Variants in KCNV2 observed in about 807,000 individuals in gnomAD.
KCNV2 encodes the protein potassium voltage-gated channel subfamily V member 2.
Under a neutral mutation model 37.0 loss-of-function variants are expected in KCNV2, and 65 were observed. The observed-to-expected ratio is 1.76, with a 90% CI of 1.44 to 2.16. The LOEUF (loss-of-function observed/expected upper bound fraction) is 2.16. KCNV2 is among the 30% of genes most tolerant of loss of function. KCNV2 has a pLI of 0.00. For synonymous variants in KCNV2, 518 were observed against 328.6 expected, an observed-to-expected ratio of 1.58 and a Z score of -6.23; for missense variants, 1,232 against 766.7, an observed-to-expected ratio of 1.61 and a Z score of -7.17.
Position 2,718,209 on chromosome 9 carries a change from T to A in KCNV2, c.470T>A (p.Val157Asp). The A allele has an allele frequency of 6.2e-7, 1 of 1,613,504 alleles. No homozygotes were observed. Among genetic ancestry groups the A allele is most frequent in the Non-Finnish European group, 8.5e-7 (1 of 1,179,938 alleles). The change falls in exon 1 of 2, where the codon GTC (valine) becomes GAC (aspartate). Residue 157 changes from valine (V) to aspartate (D), a missense_variant. Val to Asp is a radical substitution (Grantham distance 152). Coordinates refer to ENST00000382082, the MANE Select transcript of KCNV2 (RefSeq NM_133497.4). ...DEYFFDRDPA[V>D]FQLVYNFYLS... ...TACTTCTTCGACCGCGACCCGGCCG[T>A]CTTCCAGCTGGTCTACAATTTCTAC... is the stretch of plus-strand genomic sequence containing the variant.
rs569992163 is a variant in KCNV2, at chr9:2,718,605, C to T, written c.866C>T (p.Ser289Leu). ...ACCGTGGAGGAGATGCAGCAGCACT[C>T]GGGGCAGGGCGAGGGCGGCCCAGAC... is the stretch of plus-strand genomic sequence containing the variant. ...LNTVEEMQQH[S>L]GQGEGGPDLR... The change falls in exon 1 of 2, where the codon TCG (serine) becomes TTG (leucine). Residue 289 changes from serine to leucine, a missense_variant. Physicochemically the swap from Ser to Leu is moderately radical, Grantham distance 145. Coordinates refer to ENST00000382082, the MANE Select transcript of KCNV2 (RefSeq NM_133497.4). 1.4e-5 allele frequency: 22 copies of T among 1,612,986 alleles called. No individual in the cohort carries two copies. The highest frequency in any genetic ancestry group is 1.7e-4 in the Middle Eastern group (1 of 6,046).
Position 2,719,161 on chromosome 9 carries a change from C to T in KCNV2, c.1356+66C>T, listed in dbSNP as rs570543476. The stretch of plus-strand genomic sequence containing the variant: ...GCCCAGTGAGCTGCTCCTCCCTCCC[C>T]TGGTTATCAGCCACCAGGCTTTGGC... On this transcript the variant is annotated intron_variant, in intron 1 of 1. Coordinates refer to ENST00000382082, the MANE Select transcript of KCNV2 (RefSeq NM_133497.4). The T allele has an allele frequency of 5.1e-6, 8 of 1,567,018 alleles. No homozygotes were observed. In the African/African-American group the frequency reaches 9.4e-5, roughly 18 times the overall value.
rs1563797866 is a variant in KCNV2, at chr9:2,722,296, T to TACAAATTAGAAGTTATTTATAA, written c.1356+3202_1356+3203insCAAATTAGAAGTTATTTATAAA. ...ATTTATTTACAAATTAGAAGTTATT[T>TACAAATTAGAAGTTATTTATAA]ATAAATTAGAAGTTATTTATAAATA... On this transcript the variant is annotated intron_variant, in intron 1 of 1. Transcript: ENST00000382082. Among the ~76,000 whole-genome samples the TACAAATTAGAAGTTATTTATAA allele has an allele frequency of 1.2e-4, 15 of 122,048 alleles. 2 individuals are homozygous for TACAAATTAGAAGTTATTTATAA. Among genetic ancestry groups the TACAAATTAGAAGTTATTTATAA allele is most frequent in the African/African-American group, 5.0e-4 (13 of 25,864 alleles). The allele number at this position is 122,048 out of a possible 152,430, so 80.1% of individuals were successfully genotyped here. A position where few individuals can be genotyped will look rare whatever the true frequency, so the allele number is the denominator to read the frequency against.
chr9:2,719,763 C>T (rs1484402190), intron 1 of KCNV2, among the ~76,000 whole-genome samples: 1 of 152,262 alleles, frequency 6.6e-6, no homozygotes, highest in Non-Finnish European at 1.5e-5. Flanking sequence ...AAAGCCAGAA[C>T]TGAAACTCAG....
intron 1 of KCNV2, among the ~76,000 whole-genome samples, chr9:2,723,927 A>T (rs1014555130): frequency 6.7e-6 from 1 of 148,810 alleles, no homozygotes; most frequent in African/African-American, 2.5e-5. Context: ...AGCTGTAATC[A>T]TTGGCCTCCT....
intron 1 of KCNV2, among the ~76,000 whole-genome samples, chr9:2,722,578 T>TATAA (rs1421898875): frequency 2.2e-5 from 3 of 139,248 alleles, no homozygotes; most frequent in Admixed American, 6.9e-5. Flanking sequence ...GTTATTTATT[T>TATAA]ATAAATTAGA....
At chr9:2,722,767 T>G (rs1455945819) in intron 1 of KCNV2, among the ~76,000 whole-genome samples, 1 of 152,146 alleles carries the variant, frequency 6.6e-6, no homozygotes, top group Non-Finnish European at 1.5e-5. Flanking sequence ...GCTAGAAGGT[T>G]CTTCTCTTTC....
intron 1 of KCNV2, among the ~76,000 whole-genome samples, chr9:2,720,297 A>AT (rs1819842169): frequency 6.6e-6 from 1 of 152,224 alleles, no homozygotes; most frequent in Non-Finnish European, 1.5e-5. Flanking sequence ...ACCCTGAATA[A>AT]TTAACTGTGA....
At position 2,718,989 on chromosome 9, in the gene KCNV2, T is replaced by A. The variant is rs960007958; in HGVS notation, c.1250T>A (p.Phe417Tyr). The A allele has an allele frequency of 6.2e-7, 1 of 1,612,124 alleles. No individual in the cohort carries two copies. The highest frequency in any genetic ancestry group is 1.3e-5 in the African/African-American group (1 of 74,956). The change falls in exon 1 of 2, where the codon TTC (phenylalanine) becomes TAC (tyrosine). Residue 417 changes from phenylalanine (F) to tyrosine (Y), a missense_variant. Phe to Tyr is a conservative substitution (Grantham distance 22, BLOSUM62 3). Transcript: ENST00000382082. ...CAGCAGGTGGGCTGCCTGCTGCTCT[T>A]CATCGCCATGGGCATCTTCACTTTC... ...CYQQVGCLLL[F>Y]IAMGIFTFSA...
At position 2,720,845 on chromosome 9, in the gene KCNV2, A is replaced by C. The variant is rs1586688800; in HGVS notation, c.1356+1750A>C. ...CTTTCAAACGGATATGGCTAGAGAA[A>C]AAATTTTAATTAAAATAAAACACAT... On this transcript the variant is annotated intron_variant, in intron 1 of 1. Transcript: ENST00000382082. Among the ~76,000 whole-genome samples, 3 of 152,202 alleles carry C rather than the reference A, an allele frequency of 2.0e-5. No homozygotes were observed. The South Asian group carries it at 6.2e-4, about 31-fold the overall frequency.
At position 2,729,555 on chromosome 9, in the gene KCNV2, T is replaced by A. The variant is rs1190265463; in HGVS notation, c.1466T>A (p.Ile489Asn). 6.2e-7 allele frequency: 1 copy of A among 1,613,958 alleles called. No individual in the cohort carries two copies. Among genetic ancestry groups the A allele is most frequent in the Non-Finnish European group, 8.5e-7 (1 of 1,179,996 alleles). ...GGGATCATTCTCAACGGGATGCCCA[T>A]TTCCATCCTCTACAACAAGTTTTCT... The part of the protein sequence containing the change: ...AFGIILNGMP[I>N]SILYNKFSDY... Residue 489 changes from isoleucine to asparagine, a missense_variant, in exon 2 of 2, where the codon ATT (isoleucine) becomes AAT (asparagine). Physicochemically the swap from Ile to Asn is moderately radical, Grantham distance 149 (BLOSUM62 -3). Coordinates refer to ENST00000382082, the MANE Select transcript of KCNV2 (RefSeq NM_133497.4).
At chr9:2,719,203 C>A in intron 1 of KCNV2, 108 bp downstream of exon 1, 2 of 1,216,698 alleles carry the variant, frequency 1.6e-6, no homozygotes, top group East Asian at 2.5e-5. Flanking sequence ...TCCTCGTCTT[C>A]CCCCCCACCC....
Position 2,718,550 on chromosome 9 carries a change from C to A in KCNV2, c.811C>A (p.Leu271Ile). ...AIGVASSTFV[L>I]VSVVALALNT... ...CGGGGTGGCCTCCAGCACCTTCGTG[C>A]TCGTCTCCGTGGTGGCGCTGGCGCT... The change falls in exon 1 of 2, where the codon CTC (leucine) becomes ATC (isoleucine). Residue 271 changes from leucine (L) to isoleucine (I), a missense_variant. Coordinates refer to ENST00000382082, the MANE Select transcript of KCNV2 (RefSeq NM_133497.4). 1.2e-6 allele frequency: 2 copies of A among 1,612,076 alleles called. No individual in the cohort carries two copies. Among genetic ancestry groups the A allele is most frequent in the Middle Eastern group, 1.7e-4 (1 of 6,046 alleles).
rs1276823571 is a variant in KCNV2 at position 2,722,236 on chromosome 9, TAAATTAGAAGTTATTTATTTAC to T, written c.1356+3182_1356+3203del. On this transcript the variant is annotated intron_variant, in intron 1 of 1. Transcript: ENST00000382082. The stretch of plus-strand genomic sequence containing the variant: ...AAATTAGAAGTTATTTATTTATAAA[TAAATTAGAAGTTATTTATTTAC>T]AAATTAGAAGTTATTTATTTACAAA... 7.5e-3 allele frequency among the ~76,000 whole-genome samples: 1,066 copies of T among 142,862 alleles called. 23 individuals are homozygous for T. The highest frequency in any genetic ancestry group is 0.012 in the Non-Finnish European group (785 of 66,000). The allele number at this position is 142,862 out of a possible 152,430, so 93.7% of individuals were successfully genotyped here.
At position 2,718,036 on chromosome 9, in the gene KCNV2, G is replaced by A. The variant is rs747867456; in HGVS notation, c.297G>A (p.Leu99=). 2 of 1,611,466 alleles carry A rather than the reference G, an allele frequency of 1.2e-6. No individual in the cohort carries two copies. Among genetic ancestry groups the A allele is most frequent in the East Asian group, 2.2e-5 (1 of 44,784 alleles). ...PSDPPALLST[L]NVNVGGHSYQ... is the part of the protein sequence containing the mutation. ...ACCCTCCGGCCCTGCTGTCCACGCTGAATGTGAACGTGGGTGGCCACAGCT... is the reference window on the plus strand; with the variant it reads ...ACCCTCCGGCCCTGCTGTCCACGCTAAATGTGAACGTGGGTGGCCACAGCT... The change falls in exon 1 of 2, where the codon CTG becomes CTA. Residue 99 remains leucine (L), a synonymous_variant. Coordinates refer to ENST00000382082, the MANE Select transcript of KCNV2 (RefSeq NM_133497.4).
At chr9:2,728,341 G>T (rs563984457) in intron 1 of KCNV2, among the ~76,000 whole-genome samples, 91 of 152,248 alleles carry the variant, frequency 6.0e-4, no homozygotes, top group Admixed American at 5.5e-3. Flanking sequence ...ACGCAAAAAT[G>T]TTTACAACTG....
rs1253249679 is a variant in KCNV2 at position 2,719,049 on chromosome 9, C to T, written c.1310C>T (p.Pro437Leu). The T allele has an allele frequency of 3.7e-6, 6 of 1,612,554 alleles. No homozygotes were observed. Among genetic ancestry groups the T allele is most frequent in the East Asian group, 2.2e-5 (1 of 44,876 alleles). Residue 437 changes from proline (P) to leucine (L), a missense_variant, in exon 1 of 2, where the codon CCC becomes CTC. Transcript: ENST00000382082. ...GTCTACTCTGTGGAGCACGATGTGC[C>T]CAGCACCAACTTCACTACCATCCCC... ...AAVYSVEHDV[P>L]STNFTTIPHS...
chr9:2,718,764 C>T lies in KCNV2; in HGVS notation c.1025C>T (p.Ala342Val), dbSNP rs1819799916. 4 of 1,611,394 alleles carry T rather than the reference C, an allele frequency of 2.5e-6. No individual in the cohort carries two copies. The highest frequency in any genetic ancestry group is 2.5e-6 in the Non-Finnish European group (3 of 1,179,872). The change falls in exon 1 of 2, where the codon GCC becomes GTC. Residue 342 changes from alanine (A) to valine (V), a missense_variant. Ala to Val is a moderately conservative substitution (Grantham distance 64). Coordinates refer to ENST00000382082, the MANE Select transcript of KCNV2 (RefSeq NM_133497.4). ...GCCCTCAACCTGGTGGACCTGGTGG[C>T]CATCCTGCCGCTCTACCTTCAGCTG... ...RSALNLVDLV[A>V]ILPLYLQLLL...
In KCNV2 at chr9:2,718,315, C is replaced by G. The variant is rs762082451; in HGVS notation, c.576C>G (p.Leu192=). 3.7e-5 allele frequency: 59 copies of G among 1,606,792 alleles called. 1 individual carries two copies. In the East Asian group the frequency reaches 1.3e-3, roughly 35 times the overall value. The change falls in exon 1 of 2, where the codon CTC becomes CTG. Residue 192 remains leucine, a synonymous_variant. Coordinates refer to ENST00000382082, the MANE Select transcript of KCNV2 (RefSeq NM_133497.4). ...LEELGYWGVR[L]KYTPRCCRIC... is the part of the protein sequence containing the mutation. ...AGCTGGGCTACTGGGGCGTGCGGCT[C>G]AAGTACACGCCACGCTGCTGCCGCA...
Sources: gnomAD v4.1 joint callset for allele counts (sites outside exome capture counted in the v4.1 genomes callset) on GRCh38, gnomAD v4.1.1 for gene constraint, MANE v1.5 for transcripts, NCBI Gene and HGNC (gene_info 2026-07-23, HGNC 2026-07-21) for gene names.